RAP1GAP2: variants seen among roughly 807,000 people sequenced by gnomAD.
RAP1GAP2 encodes the protein rap1 GTPase-activating protein 2.
Under a neutral mutation model 95.0 loss-of-function variants are expected in RAP1GAP2, and 27 were observed. The observed-to-expected ratio is 0.28, with a 90% CI of 0.21 to 0.39. The LOEUF (loss-of-function observed/expected upper bound fraction) is 0.39, where lower values mean the gene tolerates loss of function less well. Ranked by LOEUF, RAP1GAP2 falls within the 10% of genes least tolerant of loss-of-function variation. The pLI, the probability that RAP1GAP2 is intolerant of heterozygous loss-of-function variation, is 1.00. For synonymous variants in RAP1GAP2, 373 were observed against 380.9 expected (o/e 0.98, Z 0.24); for missense variants, 771 against 970.0 (o/e 0.79, Z 2.72).
At chr17:2,947,050 C>G (rs7222785) in intron 3 of RAP1GAP2, among the ~76,000 whole-genome samples, 2 of 152,314 alleles carry the variant, frequency 1.3e-5, no homozygotes, top group Admixed American at 1.3e-4. Context: ...CCACCGTGCC[C>G]GGCCGGAAAC....
At chr17:2,795,423 C>T (rs894835030), upstream of RAP1GAP2, among the ~76,000 whole-genome samples, 3 of 152,190 alleles carry the variant, frequency 2.0e-5, no homozygotes, top group Non-Finnish European at 4.4e-5. Context: ...GTGCAGGACA[C>T]GCTAGCCCTG....
chr17:2,902,751 C>T lies in RAP1GAP2; in HGVS notation c.81-2533C>T, dbSNP rs771161549. ...GCTTCCTAGAGACCGGCCCCAGGAG[C>T]TTATCCAGTGTCCAGTAGAGACCGG... On this transcript the variant is annotated intron_variant, in intron 2 of 24. Transcript: ENST00000254695. The surrounding 1 kb of genome is among the most constrained non-coding windows in gnomAD (Gnocchi z 4.1). 1.3e-5 allele frequency among the ~76,000 whole-genome samples: 2 copies of T among 152,082 alleles called. No homozygotes were observed. Among genetic ancestry groups the T allele is most frequent in the African/African-American group, 4.8e-5 (2 of 41,412 alleles).
chr17:2,811,419 TG>T (rs1567669681), intron 2 of RAP1GAP2, among the ~76,000 whole-genome samples: 1 of 152,212 alleles, frequency 6.6e-6, no homozygotes, highest in Non-Finnish European at 1.5e-5. Flanking sequence ...TGTGACGTGC[TG>T]GCCCCTGGTT....
At chr17:2,768,710 A>AAG (rs2068324376) in intron 1 of RAP1GAP2, among the ~76,000 whole-genome samples, 1 of 150,612 alleles carries the variant, frequency 6.6e-6, no homozygotes, top group Non-Finnish European at 1.5e-5. Flanking sequence ...AAAAAAAAAA[A>AAG]GAGTTGAATT....
intron 3 of RAP1GAP2, among the ~76,000 whole-genome samples, chr17:2,948,650 T>C (rs2043798409): frequency 6.7e-6 from 1 of 148,754 alleles, no homozygotes; most frequent in Non-Finnish European, 1.5e-5. Flanking sequence ...AGAGCTGCTG[T>C]GGACCAGGGG....
intron 12 of RAP1GAP2, among the ~76,000 whole-genome samples, chr17:2,994,425 T>C (rs764053546): frequency 9.2e-5 from 14 of 152,214 alleles, no homozygotes; most frequent in Non-Finnish European, 1.8e-4. Context: ...ACCCAGTTCC[T>C]TAGAGCTTTT....
At chr17:2,861,964 C>T (rs2072413173) in intron 2 of RAP1GAP2, among the ~76,000 whole-genome samples, 1 of 152,168 alleles carries the variant, frequency 6.6e-6, no homozygotes, top group Non-Finnish European at 1.5e-5. Context: ...CTCCCTGGGG[C>T]CCTTTTAATA....
At chr17:2,766,645 G>A (rs2068281565) in intron 1 of RAP1GAP2, among the ~76,000 whole-genome samples, 1 of 152,002 alleles carries the variant, frequency 6.6e-6, no homozygotes, top group South Asian at 2.1e-4. Context: ...AATGGGATTA[G>A]TGTCTGTATA....
At chr17:2,966,705 T>C (rs147440779) in intron 8 of RAP1GAP2, among the ~76,000 whole-genome samples, 1,682 of 152,240 alleles carry the variant, frequency 0.011, 19 homozygotes, top group Middle Eastern at 0.027. Context: ...TTGCAAGGCA[T>C]AGAAGAGTCA....
At chr17:2,837,700 G>A (rs1466507895) in intron 2 of RAP1GAP2, among the ~76,000 whole-genome samples, 1 of 150,522 alleles carries the variant, frequency 6.6e-6, no homozygotes, top group Non-Finnish European at 1.5e-5. Flanking sequence ...TCTGCCTCCC[G>A]GGTTCACGCC....
Position 3,033,016 on chromosome 17 carries a change from C to T in RAP1GAP2, c.*31-376C>T, listed in dbSNP as rs928543387. Reference sequence around the variant, plus strand: ...AAGTCACCAGAGACCCATCTGAGCTCCCAGCCCTCTCCCCACATGGGGCTT... The same window carrying T: ...AAGTCACCAGAGACCCATCTGAGCTTCCAGCCCTCTCCCCACATGGGGCTT... On this transcript the variant is annotated intron_variant, in intron 24 of 24. Transcript: ENST00000254695. The surrounding 1 kb of genome is among the most constrained non-coding windows in gnomAD (Gnocchi z 4.9). 6.4e-6 allele frequency: 1 copy of T among 157,390 alleles called. No individual in the cohort carries two copies. Among genetic ancestry groups the T allele is most frequent in the African/African-American group, 2.4e-5 (1 of 41,532 alleles). 9.7% of individuals were successfully genotyped at this position (157,390 alleles called of 1,614,324 possible). A position where few individuals can be genotyped will look rare whatever the true frequency, so the allele number is the denominator to read the frequency against.
At chr17:2,980,036 G>A (rs1258408972) in intron 8 of RAP1GAP2, among the ~76,000 whole-genome samples, 2 of 151,716 alleles carry the variant, frequency 1.3e-5, no homozygotes, top group African/African-American at 4.8e-5. Flanking sequence ...CGTCTCCCGG[G>A]TTCAAGCGAT....
chr17:2,812,763 G>T (rs1432916943), intron 2 of RAP1GAP2, among the ~76,000 whole-genome samples: 1 of 152,104 alleles, frequency 6.6e-6, no homozygotes, highest in East Asian at 1.9e-4. Flanking sequence ...GCCGAGGTGG[G>T]TGGATCACCT....
At chr17:2,812,598 G>A (rs1331142083) in intron 2 of RAP1GAP2, among the ~76,000 whole-genome samples, 1 of 144,370 alleles carries the variant, frequency 6.9e-6, no homozygotes, top group Admixed American at 6.9e-5. Flanking sequence ...CTGTCTTTGG[G>A]TCACAGCAAA....
intron 13 of RAP1GAP2, among the ~76,000 whole-genome samples, chr17:2,995,964 A>G (rs1050820995): frequency 1.3e-5 from 2 of 152,004 alleles, no homozygotes; most frequent in African/African-American, 4.8e-5. Context: ...GGGGGGTAAC[A>G]CCACCCATGG....
At chr17:2,979,814 C>T (rs767824923) in intron 8 of RAP1GAP2, among the ~76,000 whole-genome samples, 2 of 152,030 alleles carry the variant, frequency 1.3e-5, no homozygotes, top group Admixed American at 6.5e-5. Context: ...AGTAGGATTC[C>T]GTTTTCCCAC....
intron 1 of RAP1GAP2, among the ~76,000 whole-genome samples, chr17:2,799,782 G>T (rs2069202744): frequency 6.6e-6 from 1 of 152,218 alleles, no homozygotes; most frequent in East Asian, 1.9e-4. Context: ...TGGAGAGGGA[G>T]GAGGGGCCTC....
chr17:2,907,281 G>A (rs1057271176), intron 3 of RAP1GAP2, among the ~76,000 whole-genome samples: 1 of 152,134 alleles, frequency 6.6e-6, no homozygotes, highest in East Asian at 1.9e-4. Flanking sequence ...GGTCCTAGAG[G>A]GAAATGGCGG....
chr17:2,892,224 G>A (rs759993096), intron 2 of RAP1GAP2, among the ~76,000 whole-genome samples: 1 of 152,172 alleles, frequency 6.6e-6, no homozygotes, highest in Non-Finnish European at 1.5e-5. Flanking sequence ...TCCTGACAGT[G>A]TTTGGGATGG....
Sources: allele counts gnomAD v4.1 joint callset (sites outside exome capture counted in the v4.1 genomes callset), GRCh38; gene constraint gnomAD v4.1.1; non-coding constraint Gnocchi (gnomAD v3.1); transcripts MANE v1.5; gene names NCBI Gene and HGNC (gene_info 2026-07-23, HGNC 2026-07-21).